Variants in TNFSF4 observed in about 807,000 individuals in gnomAD.
TNFSF4 encodes TNF superfamily member 4.
A neutral mutation model predicts 7.3 loss-of-function variants in TNFSF4; 4 were observed. The observed-to-expected ratio is 0.55, with a 90% confidence interval of 0.27 to 1.25. The LOEUF is 1.25. Among genes scored for constraint, TNFSF4 ranks in the 50% most tolerant of loss-of-function variants. The probability of loss-of-function intolerance (pLI) is 0.12; values close to 1 mark genes in which losing one functional copy is unlikely to be tolerated. For synonymous variants in TNFSF4, 76 were observed against 83.7 expected, an observed-to-expected ratio of 0.91 and a Z score of 0.50; for missense variants, 181 against 208.8, an observed-to-expected ratio of 0.87 and a Z score of 0.82.
the TNFSF4 span, among the ~76,000 whole-genome samples, chr1:173,376,844 C>T: frequency 6.6e-6 from 1 of 152,192 alleles, no homozygotes; most frequent in African/African-American, 2.4e-5. Flanking sequence ...TCCACACTAC[C>T]TTTATGAGCT....
chr1:173,252,844 T>C, the TNFSF4 span, among the ~76,000 whole-genome samples: 4 of 152,212 alleles, frequency 2.6e-5, no homozygotes, highest in Non-Finnish European at 5.9e-5. Context: ...TAGAAATTTC[T>C]GGTGAAAATT....
chr1:173,230,302 A>T, the TNFSF4 span, among the ~76,000 whole-genome samples: 1 of 152,248 alleles, frequency 6.6e-6, no homozygotes, highest in African/African-American at 2.4e-5. Context: ...ACTACATGTA[A>T]ACTGAACAAC....
the TNFSF4 span, chr1:173,363,800 A>C: frequency 5.9e-6 from 1 of 169,760 alleles, no homozygotes; most frequent in Non-Finnish European, 1.2e-5. Context: ...TTCAAAACTC[A>C]GGAGCTGCCC....
the TNFSF4 span, among the ~76,000 whole-genome samples, chr1:173,250,346 G>A: frequency 6.6e-6 from 1 of 152,002 alleles, no homozygotes; most frequent in Non-Finnish European, 1.5e-5. Context: ...AGATTATACT[G>A]AAAGAGAATA....
chr1:173,300,635 C>T, the TNFSF4 span, among the ~76,000 whole-genome samples: 1 of 151,788 alleles, frequency 6.6e-6, no homozygotes, highest in African/African-American at 2.4e-5. Flanking sequence ...ATTTTTTCTA[C>T]CTTTTTCTTT....
the TNFSF4 span, among the ~76,000 whole-genome samples, chr1:173,291,919 G>A: frequency 6.6e-6 from 1 of 151,312 alleles, no homozygotes; most frequent in Non-Finnish European, 1.5e-5. Context: ...ATAAATTCCT[G>A]AACACACAAC....
chr1:173,177,733 A>G, the TNFSF4 span, among the ~76,000 whole-genome samples: 5 of 152,252 alleles, frequency 3.3e-5, no homozygotes, highest in Non-Finnish European at 7.3e-5. Context: ...CTTTATGGGC[A>G]TAGCACTTTG....
the TNFSF4 span, among the ~76,000 whole-genome samples, chr1:173,243,322 A>G: frequency 6.6e-6 from 1 of 152,124 alleles, no homozygotes; most frequent in African/African-American, 2.4e-5. Flanking sequence ...TGATTATTTC[A>G]TCCCCCTTAT....
At chr1:173,404,313 C>A in the TNFSF4 span, among the ~76,000 whole-genome samples, 96,960 of 152,022 alleles carry the variant, frequency 0.64, 31,047 homozygotes, top group South Asian at 0.7. Context: ...AATCCTGGGA[C>A]ACATAAAACT....
chr1:173,440,574 C>T, the TNFSF4 span: 1 of 152,180 alleles, frequency 6.6e-6, no homozygotes, highest in Non-Finnish European at 1.5e-5. Context: ...GCAGAAGCTT[C>T]AAACCAGAAT....
the TNFSF4 span, among the ~76,000 whole-genome samples, chr1:173,221,257 C>T: frequency 1.1e-4 from 17 of 152,248 alleles, no homozygotes; most frequent in African/African-American, 3.6e-4. Flanking sequence ...ATGAATTTTA[C>T]GGAAAGCCAT....
the TNFSF4 span, among the ~76,000 whole-genome samples, chr1:173,450,059 T>C: frequency 3.9e-5 from 6 of 152,084 alleles, no homozygotes; most frequent in Non-Finnish European, 7.4e-5. Context: ...AAAAATAAGA[T>C]GCAAATTAGA....
the TNFSF4 span, among the ~76,000 whole-genome samples, chr1:173,325,240 T>A: frequency 6.6e-6 from 1 of 152,116 alleles, no homozygotes; most frequent in African/African-American, 2.4e-5. Flanking sequence ...ACATGGAAAC[T>A]GAACAACCTG....
the TNFSF4 span, among the ~76,000 whole-genome samples, chr1:173,434,998 G>C: frequency 1.7e-4 from 26 of 152,198 alleles, no homozygotes; most frequent in Non-Finnish European, 5.9e-5. Flanking sequence ...ATAATACTGA[G>C]GTTCCACCTA....
At chr1:173,348,897 G>A in the TNFSF4 span, among the ~76,000 whole-genome samples, 1 of 152,188 alleles carries the variant, frequency 6.6e-6, no homozygotes, top group African/African-American at 2.4e-5. Flanking sequence ...AGAATTGTTT[G>A]TTATTGTACC....
At chr1:173,245,073 A>T in the TNFSF4 span, among the ~76,000 whole-genome samples, 1 of 151,796 alleles carries the variant, frequency 6.6e-6, no homozygotes, top group Non-Finnish European at 1.5e-5. Context: ...TACAGAAGAG[A>T]AAAGGAAACA....
chr1:173,263,997 A>T, the TNFSF4 span, among the ~76,000 whole-genome samples: 1 of 152,158 alleles, frequency 6.6e-6, no homozygotes, highest in African/African-American at 2.4e-5. Context: ...AGGTGGGAGG[A>T]GGGAGAGGAG....
the TNFSF4 span, among the ~76,000 whole-genome samples, chr1:173,385,595 C>T: frequency 6.6e-6 from 1 of 152,160 alleles, no homozygotes; most frequent in East Asian, 1.9e-4. Context: ...CCCAGCACTT[C>T]GGGAGGCCGA....
chr1:173,380,295 G>A, the TNFSF4 span, among the ~76,000 whole-genome samples: 1 of 152,074 alleles, frequency 6.6e-6, no homozygotes, highest in Non-Finnish European at 1.5e-5. Flanking sequence ...TGAATATGGG[G>A]AACAAGTTAC....
Sources: allele counts gnomAD v4.1 joint callset (sites outside exome capture counted in the v4.1 genomes callset), GRCh38; gene constraint gnomAD v4.1.1; transcripts MANE v1.5; gene names NCBI Gene and HGNC (gene_info 2026-07-23, HGNC 2026-07-21).